The following FANCL variants were observed in gnomAD, a reference collection of about 807,000 sequenced individuals.
The protein encoded by FANCL is E3 ubiquitin-protein ligase FANCL.
In FANCL, 69 loss-of-function variants were observed where a neutral mutation model predicts 59.4. The ratio of observed to expected loss-of-function variants is 1.16; its 90% CI spans 0.96 to 1.42. The LOEUF is 1.42. Among genes scored for constraint, FANCL ranks in the 40% most tolerant of loss-of-function variants. The probability of loss-of-function intolerance (pLI) is 0.00; values close to 1 mark genes in which losing one functional copy is unlikely to be tolerated. For missense variants in FANCL, 519 were observed against 447.2 expected, an observed-to-expected ratio of 1.16 and a Z score of -1.45; for synonymous variants, 180 against 147.1, an observed-to-expected ratio of 1.22 and a Z score of -1.62.
At chr2:58,217,147 A>G (rs1351991013) in intron 5 of FANCL, among the ~76,000 whole-genome samples, 1 of 90,998 alleles carries the variant, frequency 1.1e-5, no homozygotes, top group Non-Finnish European at 2.5e-5. Context: ...ATATAGATTT[A>G]TATATATATT....
chr2:58,189,328 C>CAT (rs1558772323), intron 7 of FANCL, among the ~76,000 whole-genome samples: 1 of 152,140 alleles, frequency 6.6e-6, no homozygotes, highest in African/African-American at 2.4e-5. Context: ...TGGATCTACA[C>CAT]AGCAGTAGAT....
chr2:58,189,496 T>C (rs571015835), intron 7 of FANCL, among the ~76,000 whole-genome samples: 3 of 152,230 alleles, frequency 2.0e-5, no homozygotes, highest in African/African-American at 7.2e-5. Context: ...TATGTATATA[T>C]AGATACATAA....
At chr2:58,223,305 G>A (rs566858448) in intron 4 of FANCL, among the ~76,000 whole-genome samples, 19 of 151,770 alleles carry the variant, frequency 1.3e-4, no homozygotes, top group Non-Finnish European at 2.2e-4. Context: ...AAATAAATTC[G>A]TATTTAGGTT....
chr2:58,202,589 A>ATATC (rs1475622828), intron 6 of FANCL, among the ~76,000 whole-genome samples: 3 of 151,832 alleles, frequency 2.0e-5, no homozygotes, highest in African/African-American at 7.2e-5. Flanking sequence ...TTTTGCAAGA[A>ATATC]TATCTATAAA....
intron 3 of FANCL, 149 bp from the exon 4 acceptor site, chr2:58,226,933 A>G (rs568691671): frequency 2.9e-6 from 2 of 689,684 alleles, no homozygotes. Context: ...ATCGGTCATC[A>G]ACTTTACTAC....
rs1684710215 is a variant in FANCL at position 58,159,434 on chromosome 2, C to T, written c.*331G>A. 3 of 1,613,520 alleles carry T rather than the reference C, an allele frequency of 1.9e-6. No homozygotes were observed. The highest frequency in any genetic ancestry group is 1.1e-5 in the South Asian group (1 of 91,048). Reference sequence around the variant, plus strand: ...AGTTTCCCACAAAAAATCAGCTATACACAATTCCCAAACTCATTTTATGAG... The same window carrying T: ...AGTTTCCCACAAAAAATCAGCTATATACAATTCCCAAACTCATTTTATGAG... On this transcript the variant is annotated 3_prime_UTR_variant, in exon 14 of 14. Transcript: ENST00000233741.
rs1217731968 is a variant in FANCL at position 58,162,890 on chromosome 2, T to A, written c.879A>T (p.Pro293=). The A allele has an allele frequency of 1.9e-6, 3 of 1,612,608 alleles. No homozygotes were observed. Among genetic ancestry groups the A allele is most frequent in the Admixed American group, 1.7e-5 (1 of 59,916 alleles). The change falls in exon 11 of 14, where the codon CCA becomes CCT. Residue 293 remains proline, a synonymous_variant. Transcript: ENST00000233741. ...NLKDVLEIDF[P]ARAILEKSDF... is the part of the protein sequence containing the mutation. ...CAGATTTTTCCAGGATAGCACGAGC[T>A]GGAAAATCAATTTCTAAAACATCTT...
intron 5 of FANCL, among the ~76,000 whole-genome samples, chr2:58,214,852 C>T (rs1691550378): frequency 6.6e-6 from 1 of 151,922 alleles, no homozygotes; most frequent in African/African-American, 2.4e-5. Flanking sequence ...ATCCTTAGTG[C>T]TTTACATTAT....
At chr2:58,161,289 T>C (rs1451597548) in intron 12 of FANCL, among the ~76,000 whole-genome samples, 5 of 151,946 alleles carry the variant, frequency 3.3e-5, no homozygotes, top group Non-Finnish European at 5.9e-5. Context: ...TCCATGAATA[T>C]ATTCTGGATA....
At chr2:58,226,696 G>T (rs919250467) in intron 4 of FANCL, 32 bp downstream of exon 4, 4 of 1,527,398 alleles carry the variant, frequency 2.6e-6, no homozygotes, top group Non-Finnish European at 3.6e-6. Flanking sequence ...TTGCAGTATG[G>T]TAACAGTGTC....
chr2:58,185,345 A>G (rs1688298603), intron 7 of FANCL, among the ~76,000 whole-genome samples: 1 of 152,128 alleles, frequency 6.6e-6, no homozygotes, highest in South Asian at 2.1e-4. Flanking sequence ...CTTGTCCATG[A>G]AAAGATCTGT....
chr2:58,180,709 AAAAAT>A (rs1328770047), intron 7 of FANCL, among the ~76,000 whole-genome samples: 7 of 152,162 alleles, frequency 4.6e-5, no homozygotes, highest in East Asian at 1.9e-4. Context: ...AACATAATTA[AAAAAT>A]AAAATAAAAT....
intron 7 of FANCL, among the ~76,000 whole-genome samples, chr2:58,186,729 C>G (rs1688439264): frequency 6.6e-6 from 1 of 152,158 alleles, no homozygotes; most frequent in Admixed American, 6.6e-5. Flanking sequence ...GGTCTTACAG[C>G]ATTAGAAAAT....
chr2:58,162,394 A>C (rs1448963647), intron 11 of FANCL, among the ~76,000 whole-genome samples: 2 of 151,956 alleles, frequency 1.3e-5, no homozygotes, highest in African/African-American at 4.8e-5. Flanking sequence ...ATTTTTAATA[A>C]ATGTCTGTCA....
intron 7 of FANCL, among the ~76,000 whole-genome samples, chr2:58,186,310 T>C (rs1468969107): frequency 1.3e-5 from 2 of 152,156 alleles, no homozygotes; most frequent in Non-Finnish European, 2.9e-5. Context: ...ATAAGTATGA[T>C]TGGTATATTT....
chr2:58,206,869 CTTTG>C lies in FANCL; in HGVS notation c.375-2647_375-2644del, dbSNP rs370088083. On this transcript the variant is annotated intron_variant, in intron 5 of 13. Coordinates refer to ENST00000233741, the MANE Select transcript of FANCL (RefSeq NM_018062.4). ...TTTTACCCATGCTGCTTCCTGGTCA[CTTTG>C]TTTGGGGCACAGAAAGAAACCTTAC... 2.4e-4 allele frequency among the ~76,000 whole-genome samples: 36 copies of C among 152,274 alleles called. No individual in the cohort carries two copies. The South Asian group carries it at 6.9e-3, about 29-fold the overall frequency.
intron 1 of FANCL, among the ~76,000 whole-genome samples, chr2:58,240,110 TAA>T (rs79031739): frequency 2.1e-3 from 269 of 130,590 alleles, no homozygotes; most frequent in Middle Eastern, 7.8e-3. Flanking sequence ...ATGCTTCCTG[TAA>T]AAAAAAAAAA....
At chr2:58,236,232 T>G (rs1694007793) in intron 1 of FANCL, among the ~76,000 whole-genome samples, 1 of 151,628 alleles carries the variant, frequency 6.6e-6, no homozygotes, top group Non-Finnish European at 1.5e-5. Flanking sequence ...AGAAAAATCT[T>G]AAAAGCAGCC....
intron 4 of FANCL, among the ~76,000 whole-genome samples, chr2:58,223,861 C>T (rs1463240437): frequency 6.6e-6 from 1 of 151,918 alleles, no homozygotes; most frequent in Non-Finnish European, 1.5e-5. Flanking sequence ...AGTTCAATAA[C>T]TACTGATTTC....
Sources: allele counts gnomAD v4.1 joint callset (sites outside exome capture counted in the v4.1 genomes callset), GRCh38; gene constraint gnomAD v4.1.1; transcripts MANE v1.5; gene names NCBI Gene and HGNC (gene_info 2026-07-23, HGNC 2026-07-21).